The following CLRN1 variants were observed in gnomAD, a reference collection of about 807,000 sequenced individuals.
CLRN1 encodes clarin-1.
Under a neutral mutation model 18.7 loss-of-function variants are expected in CLRN1, and 15 were observed. The observed-to-expected ratio is 0.80, with a 90% CI of 0.54 to 1.23. The LOEUF (loss-of-function observed/expected upper bound fraction) is 1.23, where lower values mean the gene tolerates loss of function less well. Among genes scored for constraint, CLRN1 ranks in the 50% most tolerant of loss-of-function variants. The probability of loss-of-function intolerance (pLI) is 0.00; values close to 1 mark genes in which losing one functional copy is unlikely to be tolerated. For missense variants in CLRN1, 311 were observed against 277.5 expected, an observed-to-expected ratio of 1.12 and a Z score of -0.86; for synonymous variants, 104 against 102.9, an observed-to-expected ratio of 1.01 and a Z score of -0.07.
At chr3:150,931,264 T>A (rs1424764852) in intron 2 of CLRN1, among the ~76,000 whole-genome samples, 1 of 152,198 alleles carries the variant, frequency 6.6e-6, no homozygotes, top group Admixed American at 6.5e-5. Flanking sequence ...AAGAAGTGTG[T>A]AAGTGATATG....
At chr3:150,950,132 C>A (rs902357991) in intron 1 of CLRN1, among the ~76,000 whole-genome samples, 4 of 152,118 alleles carry the variant, frequency 2.6e-5, no homozygotes, top group Non-Finnish European at 5.9e-5. Flanking sequence ...AAACTGGACC[C>A]CTTCCTTACA....
chr3:150,931,681 G>A (rs958474204), intron 2 of CLRN1, among the ~76,000 whole-genome samples: 2 of 152,188 alleles, frequency 1.3e-5, no homozygotes, highest in Admixed American at 6.5e-5. Flanking sequence ...GTGGAGCCAG[G>A]CAGGGGAAGA....
chr3:150,939,353 C>G (rs1713672078), intron 2 of CLRN1, among the ~76,000 whole-genome samples: 2 of 152,300 alleles, frequency 1.3e-5, no homozygotes, highest in South Asian at 4.1e-4. Flanking sequence ...GCTCTGGGGC[C>G]TCTCCTCAAG....
intron 1 of CLRN1, among the ~76,000 whole-genome samples, chr3:150,967,053 G>A (rs1047305472): frequency 1.3e-5 from 2 of 152,154 alleles, no homozygotes; most frequent in Non-Finnish European, 2.9e-5. Flanking sequence ...CTTGTGAGTG[G>A]CAGAGACCCA....
At chr3:150,961,774 C>A (rs1715048791) in intron 1 of CLRN1, among the ~76,000 whole-genome samples, 1 of 152,188 alleles carries the variant, frequency 6.6e-6, no homozygotes, top group African/African-American at 2.4e-5. Flanking sequence ...CTCAGCCCAT[C>A]TGCAGCCAGT....
chr3:150,965,506 C>T (rs1715221263), intron 1 of CLRN1, among the ~76,000 whole-genome samples: 1 of 152,042 alleles, frequency 6.6e-6, no homozygotes, highest in Admixed American at 6.5e-5. Context: ...TAATCTTTTG[C>T]CAGTGGCAGA....
chr3:150,972,913 T>A, upstream of CLRN1: 3 of 706,912 alleles, frequency 4.2e-6, no homozygotes, highest in Non-Finnish European at 7.6e-6. Context: ...GCTTTTCTCC[T>A]TTTCTGCTGC....
At chr3:150,941,466 T>C (rs1713835113) in intron 2 of CLRN1, 116 bp downstream of exon 2, 2 of 1,044,616 alleles carry the variant, frequency 1.9e-6, no homozygotes, top group Non-Finnish European at 2.9e-6. Context: ...TTATGTATAA[T>C]ACTACAGTGT....
rs139720000 is a variant in CLRN1, at chr3:150,927,005, T to C, written c.*931A>G. The C allele has an allele frequency of 4.4e-5, 66 of 1,501,856 alleles. No homozygotes were observed. The Middle Eastern group carries it at 6.8e-4, about 16-fold the overall frequency. 93.0% of individuals were successfully genotyped at this position (1,501,856 alleles called of 1,614,324 possible). A position where few individuals can be genotyped will look rare whatever the true frequency, so the allele number is the denominator to read the frequency against. On this transcript the variant is annotated 3_prime_UTR_variant, in exon 3 of 3. Transcript: ENST00000327047. ...CCCAGATTTAATATAATTTTCATAA[T>C]TGCATATTAGTACTCGAGACACTAT...
chr3:150,926,839 G>T lies in CLRN1; in HGVS notation c.*1097C>A. The T allele has an allele frequency of 6.2e-7, 1 of 1,614,042 alleles. No homozygotes were observed. Among genetic ancestry groups the T allele is most frequent in the Non-Finnish European group, 8.5e-7 (1 of 1,180,020 alleles). ...ACAGCAGGTTGAGGATGAAGGAAGG[G>T]TCAGTTCCAGGCTCAGCTGTGGCCT... is the stretch of plus-strand genomic sequence containing the variant. On this transcript the variant is annotated 3_prime_UTR_variant, in exon 3 of 3. Coordinates refer to ENST00000327047, the MANE Select transcript of CLRN1 (RefSeq NM_174878.3).
downstream of CLRN1, chr3:150,926,477 C>G (rs62282718): frequency 5.4e-6 from 2 of 373,002 alleles, no homozygotes; most frequent in Admixed American, 3.8e-5. Flanking sequence ...TAGCCTGTTA[C>G]CAAAAAAAAA....
Position 150,966,292 on chromosome 3 carries a change from C to A in CLRN1, c.253+6164G>T, listed in dbSNP as rs565074215. Among the ~76,000 whole-genome samples, 3 of 152,290 alleles carry A rather than the reference C, an allele frequency of 2.0e-5. No homozygotes were observed. The South Asian group carries it at 6.2e-4, about 32-fold the overall frequency. ...TCACACCACTGCACTCCAGGCTGGA[C>A]GACAGAGTGAGACCCAGTCTCAAAA... On this transcript the variant is annotated intron_variant, in intron 1 of 2. Coordinates refer to ENST00000327047, the MANE Select transcript of CLRN1 (RefSeq NM_174878.3).
chr3:150,931,335 G>A (rs1296553219), intron 2 of CLRN1, among the ~76,000 whole-genome samples: 3 of 152,194 alleles, frequency 2.0e-5, no homozygotes, highest in Non-Finnish European at 2.9e-5. Context: ...AATCCAGCAA[G>A]AGGGGCTCCT....
chr3:150,950,103 A>C (rs916530726), intron 1 of CLRN1, among the ~76,000 whole-genome samples: 4 of 152,228 alleles, frequency 2.6e-5, no homozygotes, highest in African/African-American at 9.6e-5. Context: ...ATAACTGGCT[A>C]GCCATATGCA....
At position 150,972,655 on chromosome 3, in the gene CLRN1, A is replaced by G. The variant is rs761763916; in HGVS notation, c.54T>C (p.Phe18=). Residue 18 remains phenylalanine, a synonymous_variant, in exon 1 of 3, where the codon TTT becomes TTC. Transcript: ENST00000327047. ...IIFCMAGVFS[F]ACALGVVTAL... ...CTGTCACAACTCCGAGGGCACATGC[A>G]AAACTGAACACTCCGGCCATGCAAA... 5.0e-6 allele frequency: 8 copies of G among 1,614,256 alleles called. No individual in the cohort carries two copies. Among genetic ancestry groups the G allele is most frequent in the Non-Finnish European group, 6.8e-6 (8 of 1,180,036 alleles).
chr3:150,949,032 T>C (rs955298203), intron 1 of CLRN1, among the ~76,000 whole-genome samples: 47 of 152,308 alleles, frequency 3.1e-4, no homozygotes, highest in Admixed American at 3.0e-3. Context: ...GCTTCATCCC[T>C]GGGATGCAAG....
At chr3:150,940,645 CAA>C in intron 2 of CLRN1, 2 of 902,752 alleles carry the variant, frequency 2.2e-6, no homozygotes, top group East Asian at 2.9e-5. Context: ...AGGAATCTGA[CAA>C]AGTGTTGGAT....
intron 1 of CLRN1, among the ~76,000 whole-genome samples, chr3:150,947,618 A>C (rs1025893552): frequency 2.0e-5 from 3 of 152,234 alleles, no homozygotes; most frequent in Admixed American, 2.0e-4. Flanking sequence ...TCATCACCAC[A>C]TGGCACATAC....
chr3:150,967,430 C>T (rs1715316857), intron 1 of CLRN1, among the ~76,000 whole-genome samples: 1 of 151,908 alleles, frequency 6.6e-6, no homozygotes, highest in African/African-American at 2.4e-5. Flanking sequence ...CCTCTATTTG[C>T]TGGACTGTTT....
Sources: gnomAD v4.1 joint callset for allele counts (sites outside exome capture counted in the v4.1 genomes callset) on GRCh38, gnomAD v4.1.1 for gene constraint, MANE v1.5 for transcripts, NCBI Gene and HGNC (gene_info 2026-07-23, HGNC 2026-07-21) for gene names.